The following RFX4 variants were observed in gnomAD, a reference collection of about 807,000 sequenced individuals.
The protein encoded by RFX4 is regulatory factor X4.
Under a neutral mutation model 95.0 loss-of-function variants are expected in RFX4, and 10 were observed. That is an observed-to-expected ratio of 0.11 (90% CI 0.06 to 0.18). The LOEUF (loss-of-function observed/expected upper bound fraction) is 0.18. Ranked by LOEUF, RFX4 falls within the 10% of genes least tolerant of loss-of-function variation. The pLI is 1.00. For missense variants in RFX4, 640 were observed against 922.0 expected, an observed-to-expected ratio of 0.69 and a Z score of 3.96; for synonymous variants, 321 against 340.7, an observed-to-expected ratio of 0.94 and a Z score of 0.64.
chr12:106,645,840 T>C, intron 3 of RFX4: 3 of 1,177,462 alleles, frequency 2.5e-6, no homozygotes, highest in Non-Finnish European at 3.4e-6. Flanking sequence ...AAAGGGAGGC[T>C]GAACACTTTT....
chr12:106,614,820 T>C (rs2040041846), intron 2 of RFX4, among the ~76,000 whole-genome samples: 1 of 152,202 alleles, frequency 6.6e-6, no homozygotes, highest in Admixed American at 6.5e-5. Flanking sequence ...CCTGTGTGTT[T>C]TTAAAAATTA....
rs7961392 is a variant in RFX4, at chr12:106,689,281, C to T, written c.592-6C>T. 276,502 of 1,605,086 alleles carry T rather than the reference C, an allele frequency of 0.17. 27,006 individuals carry two copies. The highest frequency in any genetic ancestry group is 0.36 in the East Asian group (16,212 of 44,772). ...TTTGTTGTTGATCCTCTACACACCCCCACAGGTTTCTACCTTTATTATGAT... is the reference window on the plus strand; with the variant it reads ...TTTGTTGTTGATCCTCTACACACCCTCACAGGTTTCTACCTTTATTATGAT... On this transcript the variant is annotated splice_polypyrimidine_tract_variant and splice_region_variant and intron_variant, in intron 6 of 17. Coordinates refer to ENST00000392842, the MANE Select transcript of RFX4 (RefSeq NM_213594.3).
At chr12:106,708,448 C>A (rs911924792) in intron 8 of RFX4, among the ~76,000 whole-genome samples, 4 of 151,568 alleles carry the variant, frequency 2.6e-5, no homozygotes, top group African/African-American at 9.7e-5. Flanking sequence ...TTGGAGATAG[C>A]CATGAGAAAG....
intron 3 of RFX4, among the ~76,000 whole-genome samples, chr12:106,652,459 G>A (rs1592898896): frequency 6.6e-6 from 1 of 152,174 alleles, no homozygotes; most frequent in African/African-American, 2.4e-5. Flanking sequence ...CCTACTGTGT[G>A]CCAAGGAATA....
intron 15 of RFX4, among the ~76,000 whole-genome samples, chr12:106,738,198 G>A (rs2042747475): frequency 6.6e-6 from 1 of 152,144 alleles, no homozygotes; most frequent in African/African-American, 2.4e-5. Flanking sequence ...ACACACACGA[G>A]TCTGCTAGTG....
chr12:106,704,216 G>C (rs946582962), intron 8 of RFX4, among the ~76,000 whole-genome samples: 1 of 151,964 alleles, frequency 6.6e-6, no homozygotes, highest in Non-Finnish European at 1.5e-5. Flanking sequence ...ACTACAATGT[G>C]CTAGGGACTA....
At position 106,722,156 on chromosome 12, in the gene RFX4, C is replaced by T. The variant is rs148418709; in HGVS notation, c.1351+1280C>T. Among the ~76,000 whole-genome samples, 345 of 152,362 alleles carry T rather than the reference C, an allele frequency of 2.3e-3. 3 individuals carry two copies. The highest frequency in any genetic ancestry group is 7.7e-3 in the African/African-American group (320 of 41,582). The stretch of plus-strand genomic sequence containing the variant: ...CAGTTCAGCACAGTTAGTGTTAGCA[C>T]ATGTTACCTCTAGCTCTGGAAAAAT... On this transcript the variant is annotated intron_variant, in intron 13 of 17. Coordinates refer to ENST00000392842, the MANE Select transcript of RFX4 (RefSeq NM_213594.3).
chr12:106,588,972 C>T (rs999335669), intron 1 of RFX4, among the ~76,000 whole-genome samples: 1 of 152,222 alleles, frequency 6.6e-6, no homozygotes, highest in East Asian at 1.9e-4. Flanking sequence ...GTTGGGATGC[C>T]GGACACTCAG....
At chr12:106,679,070 C>T (rs2041451357) in intron 4 of RFX4, among the ~76,000 whole-genome samples, 1 of 152,300 alleles carries the variant, frequency 6.6e-6, no homozygotes, top group South Asian at 2.1e-4. Flanking sequence ...TAAATGATAT[C>T]ATCAGCCATC....
intron 4 of RFX4, among the ~76,000 whole-genome samples, chr12:106,667,284 T>C (rs2041196339): frequency 6.6e-6 from 1 of 152,152 alleles, no homozygotes; most frequent in Non-Finnish European, 1.5e-5. Context: ...GAGTTGGGTA[T>C]TTCCCTTCTC....
intron 3 of RFX4, among the ~76,000 whole-genome samples, chr12:106,645,186 C>T (rs753176948): frequency 8.5e-5 from 13 of 152,190 alleles, no homozygotes; most frequent in Non-Finnish European, 1.5e-4. Flanking sequence ...AAACACTTTC[C>T]AGCATCCTCG....
intron 1 of RFX4, among the ~76,000 whole-genome samples, chr12:106,593,978 A>G (rs1408263657): frequency 6.6e-6 from 1 of 152,194 alleles, no homozygotes; most frequent in Non-Finnish European, 1.5e-5. Context: ...GTTCACTTCC[A>G]CTGCTGATAA....
intron 15 of RFX4, among the ~76,000 whole-genome samples, chr12:106,740,037 T>G (rs2042780331): frequency 6.6e-6 from 1 of 152,238 alleles, no homozygotes; most frequent in East Asian, 1.9e-4. Flanking sequence ...TATGATGTCA[T>G]TTTAAGTATT....
At chr12:106,613,381 TA>T (rs2040001729) in intron 2 of RFX4, among the ~76,000 whole-genome samples, 2 of 147,070 alleles carry the variant, frequency 1.4e-5, no homozygotes, top group African/African-American at 2.5e-5. Flanking sequence ...TTTTTTTTTT[TA>T]GATGCAGTCT....
Position 106,727,330 on chromosome 12 carries a change from G to A in RFX4, c.1352-4800G>A, listed in dbSNP as rs530361415. ...CTTTTAGCAAACTAGGAATAGAAGGGAATTTAATATCTTAAAGGGCATCTA... is the reference window on the plus strand; with the variant it reads ...CTTTTAGCAAACTAGGAATAGAAGGAAATTTAATATCTTAAAGGGCATCTA... On this transcript the variant is annotated intron_variant, in intron 13 of 17. Transcript: ENST00000392842. Among the ~76,000 whole-genome samples, 6 of 152,204 alleles carry A rather than the reference G, an allele frequency of 3.9e-5. No homozygotes were observed. The East Asian group carries it at 9.7e-4, about 24-fold the overall frequency.
At chr12:106,659,702 G>A (rs191687007) in intron 4 of RFX4, among the ~76,000 whole-genome samples, 1 of 152,290 alleles carries the variant, frequency 6.6e-6, no homozygotes, top group African/African-American at 2.4e-5. Flanking sequence ...TTCCATGGAT[G>A]GCAAACTGAG....
chr12:106,595,228 T>C (rs1292110199), intron 1 of RFX4, among the ~76,000 whole-genome samples: 1 of 152,192 alleles, frequency 6.6e-6, no homozygotes, highest in Non-Finnish European at 1.5e-5. Flanking sequence ...CAAACCAGGA[T>C]TTGAACACGG....
At chr12:106,682,763 G>A (rs1042254848) in intron 5 of RFX4, 2 of 152,330 alleles carry the variant, frequency 1.3e-5, no homozygotes, top group Non-Finnish European at 1.5e-5. Context: ...GACTAGGGGA[G>A]TGCAGAAGGC....
intron 2 of RFX4, among the ~76,000 whole-genome samples, chr12:106,611,677 A>G (rs930417919): frequency 6.6e-6 from 1 of 151,888 alleles, no homozygotes; most frequent in African/African-American, 2.4e-5. Flanking sequence ...CGCCAGGCTA[A>G]TTTTTGTATT....
Sources: allele counts gnomAD v4.1 joint callset (sites outside exome capture counted in the v4.1 genomes callset), GRCh38; gene constraint gnomAD v4.1.1; transcripts MANE v1.5; gene names NCBI Gene and HGNC (gene_info 2026-07-23, HGNC 2026-07-21).